Variants in TTBK2 observed in about 807,000 individuals in gnomAD.
The protein encoded by TTBK2 is tau-tubulin kinase 2.
TTBK2 carries 28 observed loss-of-function variants against 110.8 expected under a neutral mutation model. The observed-to-expected ratio is 0.25, with a 90% CI of 0.19 to 0.35. The LOEUF is 0.35. Among genes scored for constraint, TTBK2 ranks in the 10% least tolerant of loss-of-function variants. TTBK2 has a pLI of 1.00. For missense variants in TTBK2, 1,369 were observed against 1,500.3 expected, an observed-to-expected ratio of 0.91 and a Z score of 1.45; for synonymous variants, 532 against 527.3, an observed-to-expected ratio of 1.01 and a Z score of -0.12.
At position 42,752,771 on chromosome 15, in the gene TTBK2, C is replaced by A. The variant is rs766154799; in HGVS notation, c.2475G>T (p.Val825=). ...DHSATTEPLD[V]TKTQTFSVVP... is the part of the protein sequence containing the mutation. Reference sequence around the variant, plus strand: ...CCACACTAAAAGTCTGTGTTTTTGTCACATCAAGAGGTTCAGTAGTAGCTG... The same window carrying A: ...CCACACTAAAAGTCTGTGTTTTTGTAACATCAAGAGGTTCAGTAGTAGCTG... The change falls in exon 14 of 15, where the codon GTG becomes GTT. Residue 825 remains valine (V), a synonymous_variant. Transcript: ENST00000267890. The A allele has an allele frequency of 1.2e-6, 2 of 1,614,138 alleles. No individual in the cohort carries two copies. Among genetic ancestry groups the A allele is most frequent in the South Asian group, 2.2e-5 (2 of 91,074 alleles).
intron 1 of TTBK2, among the ~76,000 whole-genome samples, chr15:42,892,776 G>A (rs1312017676): frequency 6.7e-6 from 1 of 149,672 alleles, no homozygotes; most frequent in Non-Finnish European, 1.5e-5. Context: ...TTGGGAAGCT[G>A]AGGCAGGCGG....
At chr15:42,890,829 A>G (rs1206778057) in intron 1 of TTBK2, among the ~76,000 whole-genome samples, 3 of 152,204 alleles carry the variant, frequency 2.0e-5, no homozygotes, top group Non-Finnish European at 4.4e-5. Context: ...GTTCAATCAC[A>G]TGGCCAATGA....
chr15:42,817,215 T>C (rs1300185163), intron 6 of TTBK2, 118 bp from the exon 7 acceptor site: 8 of 556,506 alleles, frequency 1.4e-5, no homozygotes, highest in African/African-American at 1.0e-4. Flanking sequence ...TAAAACACTA[T>C]TTAATTTCTA....
intron 1 of TTBK2, among the ~76,000 whole-genome samples, chr15:42,914,666 T>A (rs1293700617): frequency 6.6e-6 from 1 of 152,250 alleles, no homozygotes; most frequent in African/African-American, 2.4e-5. Context: ...AGCTGTTTCA[T>A]GGGTTGTGTG....
rs184631098 is a variant in TTBK2 at position 42,810,503 on chromosome 15, G to A, written c.822+111C>T. ...TTTCTCAGGATGTATTAAAACAGTCGTATTCTAAGGACCTCCCCTACTCAT... is the reference window on the plus strand; with the variant it reads ...TTTCTCAGGATGTATTAAAACAGTCATATTCTAAGGACCTCCCCTACTCAT... On this transcript the variant is annotated intron_variant, in intron 9 of 14. Transcript: ENST00000267890. The A allele has an allele frequency of 2.7e-4, 356 of 1,336,606 alleles. 1 individual carries two copies. In the East Asian group the frequency reaches 4.3e-3, roughly 16 times the overall value. The allele number at this position is 1,336,606 out of a possible 1,614,324, so 82.8% of individuals were successfully genotyped here. A position where few individuals can be genotyped will look rare whatever the true frequency, so the allele number is the denominator to read the frequency against.
chr15:42,840,242 A>G, intron 4 of TTBK2, 118 bp downstream of exon 4: 1 of 908,500 alleles, frequency 1.1e-6, no homozygotes, highest in Non-Finnish European at 1.8e-6. Context: ...CCATCTGCAT[A>G]GTATAAAACA....
Position 42,740,319 on chromosome 15 carries a change from TA to T in TTBK2, c.*5475del, listed in dbSNP as rs2061742249. ...TTAAGACCAAAGATCCAGCAAAGTC[TA>T]AGGAAATATCCTAATCATTACTGTG... On this transcript the variant is annotated 3_prime_UTR_variant, in exon 15 of 15. Transcript: ENST00000267890. 6.6e-6 allele frequency: 1 copy of T among 152,220 alleles called. No homozygotes were observed. Among genetic ancestry groups the T allele is most frequent in the African/African-American group, 2.4e-5 (1 of 41,438 alleles). The allele number at this position is 152,220 out of a possible 1,614,324, so 9.4% of individuals were successfully genotyped here.
At chr15:42,832,715 T>C (rs1892811539) in intron 4 of TTBK2, among the ~76,000 whole-genome samples, 1 of 152,142 alleles carries the variant, frequency 6.6e-6, no homozygotes, top group South Asian at 2.1e-4. Flanking sequence ...TGATGAAATC[T>C]CATACCATCC....
At chr15:42,855,245 G>C (rs919655927) in intron 3 of TTBK2, 1 of 151,976 alleles carries the variant, frequency 6.6e-6, no homozygotes, top group East Asian at 1.9e-4. Flanking sequence ...GTTGAAAAGT[G>C]CACAAGATAA....
intron 9 of TTBK2, chr15:42,798,332 TA>T (rs994308734): frequency 4.4e-6 from 2 of 456,074 alleles, no homozygotes; most frequent in African/African-American, 4.0e-5. Flanking sequence ...CGCTTCCCTC[TA>T]AAAGGCATGT....
At chr15:42,909,153 G>T (rs2141207420) in intron 1 of TTBK2, among the ~76,000 whole-genome samples, 1 of 152,268 alleles carries the variant, frequency 6.6e-6, no homozygotes, top group South Asian at 2.1e-4. Flanking sequence ...AAGAGACAGG[G>T]TCTCACTATG....
At chr15:42,834,508 G>A (rs1443212449) in intron 4 of TTBK2, among the ~76,000 whole-genome samples, 1 of 152,132 alleles carries the variant, frequency 6.6e-6, no homozygotes, top group Non-Finnish European at 1.5e-5. Context: ...CTGGTACTCA[G>A]TGTGGCACCA....
intron 6 of TTBK2, among the ~76,000 whole-genome samples, chr15:42,819,475 AT>A (rs1045565185): frequency 1.3e-5 from 2 of 151,908 alleles, no homozygotes; most frequent in African/African-American, 4.8e-5. Context: ...TAGCTATTTC[AT>A]TTCTTCCTTC....
At chr15:42,896,221 G>A (rs966469172) in intron 1 of TTBK2, among the ~76,000 whole-genome samples, 3 of 151,930 alleles carry the variant, frequency 2.0e-5, no homozygotes, top group Non-Finnish European at 2.9e-5. Context: ...CCAGCTACTC[G>A]GGAGGCTGAG....
intron 7 of TTBK2, among the ~76,000 whole-genome samples, chr15:42,814,274 T>C (rs923693468): frequency 1.3e-5 from 2 of 152,174 alleles, no homozygotes; most frequent in African/African-American, 4.8e-5. Flanking sequence ...TTAAGAATTA[T>C]TTATGTTAAA....
chr15:42,902,795 C>A (rs2030131652), intron 1 of TTBK2, among the ~76,000 whole-genome samples: 1 of 152,046 alleles, frequency 6.6e-6, no homozygotes, highest in Non-Finnish European at 1.5e-5. Context: ...AAGTTTGAGA[C>A]CAGCCTGGGC....
In TTBK2 at chr15:42,913,969, T is replaced by A. The variant is rs149889485; in HGVS notation, c.-68+6469A>T. On this transcript the variant is annotated intron_variant, in intron 1 of 14. Coordinates refer to ENST00000267890, the MANE Select transcript of TTBK2 (RefSeq NM_173500.4). Reference sequence around the variant, plus strand: ...ATCTTCACTGCAATAACATTTTAAGTATATTAACTTCCTTTTTTTTTTTTT... The same window carrying A: ...ATCTTCACTGCAATAACATTTTAAGAATATTAACTTCCTTTTTTTTTTTTT... 4.7e-3 allele frequency among the ~76,000 whole-genome samples: 715 copies of A among 151,830 alleles called. 3 individuals are homozygous for A. The highest frequency in any genetic ancestry group is 7.7e-3 in the Non-Finnish European group (525 of 67,894).
At chr15:42,907,717 A>G (rs1464256383) in intron 1 of TTBK2, among the ~76,000 whole-genome samples, 2 of 152,126 alleles carry the variant, frequency 1.3e-5, no homozygotes, top group Admixed American at 1.3e-4. Flanking sequence ...ATTTATTGTT[A>G]CTAAACTGTA....
chr15:42,830,662 G>A (rs1205680936), intron 4 of TTBK2, among the ~76,000 whole-genome samples: 1 of 151,286 alleles, frequency 6.6e-6, no homozygotes, highest in Non-Finnish European at 1.5e-5. Flanking sequence ...TAAAATATAA[G>A]TAATCAAATA....
Sources: allele counts gnomAD v4.1 joint callset (sites outside exome capture counted in the v4.1 genomes callset), GRCh38; gene constraint gnomAD v4.1.1; transcripts MANE v1.5; gene names NCBI Gene and HGNC (gene_info 2026-07-23, HGNC 2026-07-21).